RIN2: variants seen among roughly 807,000 people sequenced by gnomAD.
RIN2 encodes the protein RAB5 interacting protein 2.
Under a neutral mutation model 78.0 loss-of-function variants are expected in RIN2, and 36 were observed. That is an observed-to-expected ratio of 0.46 (90% CI 0.35 to 0.61). The LOEUF (loss-of-function observed/expected upper bound fraction) is 0.61, where lower values mean the gene tolerates loss of function less well. Ranked by LOEUF, RIN2 falls within the 20% of genes least tolerant of loss-of-function variation. The pLI is 0.00. For synonymous variants in RIN2, 466 were observed against 466.8 expected, an observed-to-expected ratio of 1.00 and a Z score of 0.02; for missense variants, 1,087 against 1,159.7, an observed-to-expected ratio of 0.94 and a Z score of 0.91.
intron 3 of RIN2, among the ~76,000 whole-genome samples, chr20:19,916,556 C>A (rs1466142498): frequency 1.3e-5 from 2 of 152,120 alleles, no homozygotes; most frequent in African/African-American, 4.8e-5. Flanking sequence ...GAGCTCAAGG[C>A]TGCACTCCAG....
intron 9 of RIN2, among the ~76,000 whole-genome samples, chr20:19,982,564 GA>G (rs1195529894): frequency 6.6e-6 from 1 of 152,196 alleles, no homozygotes; most frequent in African/African-American, 2.4e-5. Flanking sequence ...AGGCAGGTTT[GA>G]AGCCCTGACT....
intron 9 of RIN2, among the ~76,000 whole-genome samples, chr20:19,981,710 A>G (rs2042459457): frequency 6.6e-6 from 1 of 152,250 alleles, no homozygotes; most frequent in South Asian, 2.1e-4. Flanking sequence ...TCAAAGCCCC[A>G]GTGCTTGTTA....
At chr20:19,981,403 T>G (rs2042449244) in intron 9 of RIN2, among the ~76,000 whole-genome samples, 1 of 152,210 alleles carries the variant, frequency 6.6e-6, no homozygotes, top group Non-Finnish European at 1.5e-5. Flanking sequence ...AAAGATTCCC[T>G]TCTTTCCATA....
rs183918498 is a variant in RIN2, at chr20:19,932,270, C to G, written c.58-2829C>G. On this transcript the variant is annotated intron_variant, in intron 3 of 12. Coordinates refer to ENST00000255006, the MANE Select transcript of RIN2 (RefSeq NM_018993.4). Reference sequence around the variant, plus strand: ...CCCTGTCTCCACTCACTTCTGCCTTCCGCCACGGGATGACTCTTACCAGAT... The same window carrying G: ...CCCTGTCTCCACTCACTTCTGCCTTGCGCCACGGGATGACTCTTACCAGAT... 4.6e-5 allele frequency among the ~76,000 whole-genome samples: 7 copies of G among 152,302 alleles called. No individual in the cohort carries two copies. The East Asian group carries it at 1.4e-3, about 29-fold the overall frequency.
chr20:19,951,196 T>C lies in RIN2; in HGVS notation c.159-5419T>C, dbSNP rs537166801. 6.6e-5 allele frequency among the ~76,000 whole-genome samples: 10 copies of C among 152,242 alleles called. No individual in the cohort carries two copies. In the South Asian group the frequency reaches 2.1e-3, roughly 32 times the overall value. On this transcript the variant is annotated intron_variant, in intron 4 of 12. Coordinates refer to ENST00000255006, the MANE Select transcript of RIN2 (RefSeq NM_018993.4). ...GGTGAAATTGTCCTTTATAGATCTT[T>C]TTATACTGATGCCATATATGAGTTC...
chr20:19,839,182 G>A (rs1447822969), intron 2 of RIN2, among the ~76,000 whole-genome samples: 1 of 152,210 alleles, frequency 6.6e-6, no homozygotes, highest in Admixed American at 6.5e-5. Context: ...GTTTCTAAGG[G>A]AGGAACAAAA....
Position 19,975,168 on chromosome 20 carries a change from G to GCCGCT in RIN2, c.1146_1147insCTCCG (p.Gly383LeufsTer49). ...GTGCAAAGACCTTGAGCGGCGGCCG[G>GCCGCT]CCGGGCGCAGGCCCGGAGCTGGAGC... On this transcript the variant is annotated frameshift_variant, in exon 9 of 13. Coordinates refer to ENST00000255006, the MANE Select transcript of RIN2 (RefSeq NM_018993.4). LOFTEE classifies it high-confidence loss of function. This position sits in a 1 kb window ranked among gnomAD's most constrained non-coding sequence, Gnocchi z 4.9. 6.2e-7 allele frequency: 1 copy of GCCGCT among 1,611,122 alleles called. No homozygotes were observed. Among genetic ancestry groups the GCCGCT allele is most frequent in the Non-Finnish European group, 8.5e-7 (1 of 1,179,084 alleles).
chr20:19,975,182 C>G lies in RIN2; in HGVS notation c.1157C>G (p.Pro386Arg), dbSNP rs749497967. ...AGCGGCGGCCGGCCGGGCGCAGGCCCGGAGCTGGAGCTGGGCACAGCTGGC... is the reference window on the plus strand; with the variant it reads ...AGCGGCGGCCGGCCGGGCGCAGGCCGGGAGCTGGAGCTGGGCACAGCTGGC... Reference protein sequence around the residue: ...TLSGGRPGAGPELELGTAGSP... With the variant: ...TLSGGRPGAGRELELGTAGSP... The change falls in exon 9 of 13, where the codon CCG becomes CGG. Residue 386 changes from proline to arginine, a missense_variant. Physicochemically the swap from Pro to Arg is moderately radical, Grantham distance 103. Around this residue, in one of 8 missense-constraint regions of RIN2, gnomAD observed 706 missense variants for 667.5 expected, o/e 1.06. Transcript: ENST00000255006. The surrounding 1 kb of genome is among the most constrained non-coding windows in gnomAD (Gnocchi z 4.9). The G allele has an allele frequency of 5.0e-6, 8 of 1,608,690 alleles. No homozygotes were observed. The highest frequency in any genetic ancestry group is 2.2e-5 in the East Asian group (1 of 44,690).
At chr20:19,807,166 G>A (rs2035436482) in intron 2 of RIN2, among the ~76,000 whole-genome samples, 2 of 152,240 alleles carry the variant, frequency 1.3e-5, no homozygotes, top group South Asian at 4.1e-4. Context: ...CTTGTGCTTG[G>A]AATCGGCACA....
intron 2 of RIN2, among the ~76,000 whole-genome samples, chr20:19,849,965 C>T (rs1230476358): frequency 1.3e-5 from 2 of 152,122 alleles, no homozygotes; most frequent in African/African-American, 4.8e-5. Context: ...AAGTTCCTTT[C>T]TCCTGAACCT....
chr20:19,886,922 T>G (rs1039603844), intron 2 of RIN2: 23 of 555,736 alleles, frequency 4.1e-5, no homozygotes, highest in Non-Finnish European at 6.5e-5. Context: ...GCTGTCAATA[T>G]TGAGTCAAGG....
intron 1 of RIN2, among the ~76,000 whole-genome samples, chr20:19,788,439 A>AAAAAAAAAAACAAAAAAAAAAC (rs980089934): frequency 0.032 from 4,280 of 132,676 alleles, 93 homozygotes; most frequent in Non-Finnish European, 0.047. Context: ...TGCCAAAAAA[A>AAAAAAAAAAACAAAAAAAAAAC]AAAAAAAAAA....
intron 7 of RIN2, among the ~76,000 whole-genome samples, chr20:19,966,168 G>T (rs2041930870): frequency 6.6e-6 from 1 of 152,106 alleles, no homozygotes; most frequent in African/African-American, 2.4e-5. Flanking sequence ...GTGTTACTAG[G>T]ATGTTTTCAG....
intron 2 of RIN2, among the ~76,000 whole-genome samples, chr20:19,833,223 G>T (rs1177170846): frequency 6.6e-6 from 1 of 151,684 alleles, no homozygotes; most frequent in African/African-American, 2.4e-5. Flanking sequence ...TGATATGCTG[G>T]TCTTGCCAAA....
At chr20:19,994,110 A>G (rs550138764) in intron 11 of RIN2, among the ~76,000 whole-genome samples, 1 of 152,342 alleles carries the variant, frequency 6.6e-6, no homozygotes, top group African/African-American at 2.4e-5. Flanking sequence ...ATCCCACAAG[A>G]AAGACAAGGG....
intron 3 of RIN2, among the ~76,000 whole-genome samples, chr20:19,920,604 A>G (rs910164867): frequency 2.0e-5 from 3 of 152,234 alleles, no homozygotes; most frequent in African/African-American, 4.8e-5. Context: ...TTTCTCTGTG[A>G]GCATGCGCCA....
chr20:19,823,965 A>T, intron 2 of RIN2: 6 of 1,405,096 alleles, frequency 4.3e-6, no homozygotes, highest in Non-Finnish European at 5.9e-6. Flanking sequence ...CTGGTGTCGG[A>T]TGAACCCGGA....
chr20:19,847,502 C>T (rs185880034), intron 2 of RIN2, among the ~76,000 whole-genome samples: 1 of 152,268 alleles, frequency 6.6e-6, no homozygotes, highest in African/African-American at 2.4e-5. Context: ...GGTAGAGGTG[C>T]TGCCACTTCA....
chr20:19,995,230 A>G lies in RIN2; in HGVS notation c.2201-1449A>G, dbSNP rs2042917057. On this transcript the variant is annotated intron_variant, in intron 11 of 12. Coordinates refer to ENST00000255006, the MANE Select transcript of RIN2 (RefSeq NM_018993.4). ...CGCCAAACTAACTTCTGGTCCCTGC[A>G]GGAATAAATTGCCAGTGTCTGTTTT... is the stretch of plus-strand genomic sequence containing the variant. 2.0e-5 allele frequency among the ~76,000 whole-genome samples: 3 copies of G among 150,564 alleles called. No homozygotes were observed. The South Asian group carries it at 6.4e-4, about 32-fold the overall frequency.
Sources: gnomAD v4.1 joint callset for allele counts (sites outside exome capture counted in the v4.1 genomes callset) on GRCh38, gnomAD v4.1.1 for gene constraint, gnomAD v4.1.1 regional missense constraint, Gnocchi (gnomAD v3.1) non-coding constraint, MANE v1.5 for transcripts, NCBI Gene and HGNC (gene_info 2026-07-23, HGNC 2026-07-21) for gene names.